The following RTTN variants were observed in gnomAD, a reference collection of about 807,000 sequenced individuals.
RTTN encodes the protein rotatin.
A neutral mutation model predicts 269.2 loss-of-function variants in RTTN; 182 were observed. The observed-to-expected ratio is 0.68, with a 90% CI of 0.60 to 0.76. The LOEUF is 0.76. Among genes scored for constraint, RTTN ranks in the 30% least tolerant of loss-of-function variants. The probability of loss-of-function intolerance (pLI) is 0.00; values close to 1 mark genes in which losing one functional copy is unlikely to be tolerated. For missense variants in RTTN, 2,545 were observed against 2,608.6 expected, an observed-to-expected ratio of 0.98 and a Z score of 0.53; for synonymous variants, 1,006 against 963.5, an observed-to-expected ratio of 1.04 and a Z score of -0.82.
At chr18:70,079,602 C>G (rs2058511992) in intron 32 of RTTN, among the ~76,000 whole-genome samples, 1 of 152,124 alleles carries the variant, frequency 6.6e-6, no homozygotes, top group Admixed American at 6.6e-5. Flanking sequence ...TGTCTCAAGA[C>G]TTCTGTATCA....
rs565673281 is a variant in RTTN, at chr18:70,198,602, T to C, written c.578+812A>G. Among the ~76,000 whole-genome samples the C allele has an allele frequency of 2.0e-5, 3 of 152,316 alleles. No homozygotes were observed. In the South Asian group the frequency reaches 6.2e-4, roughly 32 times the overall value. ...TTTATGAAACTGCACAAAGTGAATC[T>C]GGACATTAAAATACTCTCTAAATCT... On this transcript the variant is annotated intron_variant, in intron 5 of 48. Coordinates refer to ENST00000640769, the MANE Select transcript of RTTN (RefSeq NM_173630.4).
chr18:70,123,142 C>T (rs1344340799), intron 25 of RTTN, among the ~76,000 whole-genome samples: 9 of 152,208 alleles, frequency 5.9e-5, no homozygotes, highest in Non-Finnish European at 1.0e-4. Flanking sequence ...CATCCATTTA[C>T]GGATTCAAAG....
chr18:70,024,656 C>T, intron 44 of RTTN, 66 bp downstream of exon 44: 2 of 1,431,844 alleles, frequency 1.4e-6, no homozygotes, highest in Non-Finnish European at 1.9e-6. Flanking sequence ...TTCCAGTCCA[C>T]CTTAACAACA....
At chr18:70,034,796 C>T (rs1311781030) in intron 40 of RTTN, among the ~76,000 whole-genome samples, 2 of 152,082 alleles carry the variant, frequency 1.3e-5, no homozygotes, top group Non-Finnish European at 2.9e-5. Context: ...CTAGAAAACC[C>T]CATCGTCTCA....
intron 46 of RTTN, among the ~76,000 whole-genome samples, chr18:70,012,138 A>G (rs1458003125): frequency 7.5e-5 from 7 of 93,432 alleles, no homozygotes; most frequent in Admixed American, 1.2e-4. Context: ...CACTGGTGTT[A>G]GACAGAGGGC....
At position 70,006,418 on chromosome 18, in the gene RTTN, G is replaced by A. The variant is rs772041707; in HGVS notation, c.6488C>T (p.Ala2163Val). Residue 2163 changes from alanine (A) to valine (V), a missense_variant, in exon 47 of 49, where the codon GCA becomes GTA. Physicochemically the swap from Ala to Val is moderately conservative, Grantham distance 64. Transcript: ENST00000640769. ...GTAAATCAGAGCCCAAAGGGCAGCT[G>A]CTCCAATCCTCTGAGCATTTTGATT... Reference protein sequence around the residue: ...SENQNAQRIGAAALWALIYNY... With the variant: ...SENQNAQRIGVAALWALIYNY... 6.2e-7 allele frequency: 1 copy of A among 1,613,914 alleles called. No homozygotes were observed. Among genetic ancestry groups the A allele is most frequent in the African/African-American group, 1.3e-5 (1 of 74,940 alleles).
At chr18:70,133,460 A>G (rs951917862) in intron 23 of RTTN, among the ~76,000 whole-genome samples, 4 of 152,148 alleles carry the variant, frequency 2.6e-5, no homozygotes, top group African/African-American at 9.7e-5. Flanking sequence ...TTTCTTCATA[A>G]TAGCCCAAAA....
chr18:70,196,656 CAAG>C lies in RTTN; in HGVS notation c.694-11_694-9del, dbSNP rs780132376. The C allele has an allele frequency of 6.2e-7, 1 of 1,604,448 alleles. No individual in the cohort carries two copies. Among genetic ancestry groups the C allele is most frequent in the South Asian group, 1.1e-5 (1 of 88,720 alleles). ...CAACAGAGATAAAAGGCTCTGAAAT[CAAG>C]AAGAGCCGTGAAAATTACTAAGGGA... is the stretch of plus-strand genomic sequence containing the variant. On this transcript the variant is annotated splice_polypyrimidine_tract_variant and intron_variant, in intron 6 of 48. Transcript: ENST00000640769.
At chr18:70,162,361 G>C (rs2060854006) in intron 14 of RTTN, among the ~76,000 whole-genome samples, 1 of 152,116 alleles carries the variant, frequency 6.6e-6, no homozygotes, top group Non-Finnish European at 1.5e-5. Context: ...TACTTCACAA[G>C]GGAAGGTGGG....
At position 70,117,537 on chromosome 18, in the gene RTTN, C is replaced by T. The variant is rs114604743; in HGVS notation, c.3529-2938G>A. Among the ~76,000 whole-genome samples, 853 of 151,846 alleles carry T rather than the reference C, an allele frequency of 5.6e-3. 4 individuals are homozygous for T. Among genetic ancestry groups the T allele is most frequent in the African/African-American group, 0.02 (818 of 41,460 alleles). On this transcript the variant is annotated intron_variant, in intron 26 of 48. Transcript: ENST00000640769. ...TATATGAGATAAAGTAGAAGCTTTC[C>T]GAAGAAAGGTTTAATACCATACAAA...
At chr18:70,020,574 T>C (rs1400963845) in intron 45 of RTTN, 41 bp downstream of exon 45, 1 of 1,468,056 alleles carries the variant, frequency 6.8e-7, no homozygotes, top group Non-Finnish European at 9.4e-7. Context: ...ATTATTTCAC[T>C]GAGTACCCTT....
chr18:70,084,641 G>A (rs1174496853), intron 32 of RTTN, among the ~76,000 whole-genome samples: 2 of 151,162 alleles, frequency 1.3e-5, no homozygotes, highest in Admixed American at 1.3e-4. Flanking sequence ...AAAAAAGACT[G>A]AAAAGAGAGG....
chr18:70,148,187 T>C (rs2060445355), intron 17 of RTTN, among the ~76,000 whole-genome samples: 1 of 152,202 alleles, frequency 6.6e-6, no homozygotes, highest in Admixed American at 6.5e-5. Context: ...TGTCTGTCCA[T>C]TCTTCCTAGC....
intron 14 of RTTN, among the ~76,000 whole-genome samples, chr18:70,161,334 T>C (rs1267891764): frequency 6.6e-6 from 1 of 152,136 alleles, no homozygotes; most frequent in Admixed American, 6.5e-5. Flanking sequence ...TTTCACCATA[T>C]ATAAAAATCA....
At chr18:70,092,294 G>A in intron 29 of RTTN, 74 bp from the exon 30 acceptor site, 1 of 944,176 alleles carries the variant, frequency 1.1e-6, no homozygotes, top group Non-Finnish European at 1.6e-6. Context: ...GTTAAAACAA[G>A]AATTTTTAAT....
At chr18:70,144,618 C>T (rs1264581242) in intron 18 of RTTN, among the ~76,000 whole-genome samples, 1 of 152,198 alleles carries the variant, frequency 6.6e-6, no homozygotes, top group Admixed American at 6.5e-5. Context: ...TTCCTCCATA[C>T]ATCAGGGCAC....
intron 13 of RTTN, chr18:70,166,708 T>C (rs1013425751): frequency 7.3e-6 from 3 of 412,806 alleles, no homozygotes; most frequent in African/African-American, 4.1e-5. Flanking sequence ...ATTGTAGGCA[T>C]GACATTTTTG....
At chr18:70,088,238 TA>T in intron 30 of RTTN, 91 bp from the exon 31 acceptor site, 1 of 1,197,724 alleles carries the variant, frequency 8.3e-7, no homozygotes, top group Non-Finnish European at 1.1e-6. Context: ...TATCACACTT[TA>T]AAAAAATCCA....
chr18:70,029,142 T>G (rs2056937812), intron 42 of RTTN, among the ~76,000 whole-genome samples: 1 of 145,988 alleles, frequency 6.8e-6, no homozygotes, highest in Non-Finnish European at 1.5e-5. Flanking sequence ...TGAAGGGCCT[T>G]TGGCTAGGGA....
Sources: allele counts gnomAD v4.1 joint callset (sites outside exome capture counted in the v4.1 genomes callset), GRCh38; gene constraint gnomAD v4.1.1; transcripts MANE v1.5; gene names NCBI Gene and HGNC (gene_info 2026-07-23, HGNC 2026-07-21).